PDZD2: variants seen among roughly 807,000 people sequenced by gnomAD.
PDZD2 encodes PDZ domain-containing protein 2.
Under a neutral mutation model 220.7 loss-of-function variants are expected in PDZD2, and 90 were observed. The observed-to-expected ratio is 0.41, with a 90% CI of 0.34 to 0.49. PDZD2 has a LOEUF of 0.49. Ranked by LOEUF, PDZD2 falls within the 20% of genes least tolerant of loss-of-function variation. The pLI is 0.28. For missense variants in PDZD2, 3,174 were observed against 3,608.5 expected (o/e 0.88, Z 3.08); for synonymous variants, 1,375 against 1,450.5 (o/e 0.95, Z 1.18).
chr5:31,829,950 A>C (rs73060342), intron 2 of PDZD2, among the ~76,000 whole-genome samples: 1,642 of 152,054 alleles, frequency 0.011, 32 homozygotes, highest in African/African-American at 0.038. Context: ...CTGGAGGCTG[A>C]GGCAAGAGGG....
At chr5:31,662,346 C>T (rs1324752193) in intron 1 of PDZD2, among the ~76,000 whole-genome samples, 1 of 152,126 alleles carries the variant, frequency 6.6e-6, no homozygotes, top group Non-Finnish European at 1.5e-5. Flanking sequence ...CCTAAAGCCT[C>T]TTTTATCTGT....
intron 2 of PDZD2, among the ~76,000 whole-genome samples, chr5:31,900,828 C>T (rs1026804863): frequency 3.9e-5 from 6 of 152,028 alleles, no homozygotes; most frequent in African/African-American, 2.4e-5. Context: ...TAGTTGTTGC[C>T]AGGCCCCAAG....
chr5:31,898,621 C>T (rs896536254), intron 2 of PDZD2, among the ~76,000 whole-genome samples: 3 of 152,142 alleles, frequency 2.0e-5, no homozygotes, highest in African/African-American at 7.2e-5. Context: ...ACTGTGCTCC[C>T]CTGTCACATG....
At chr5:32,052,501 C>A in intron 8 of PDZD2, 110 bp from the exon 9 acceptor site, 2 of 986,242 alleles carry the variant, frequency 2.0e-6, no homozygotes, top group Non-Finnish European at 3.2e-6. Flanking sequence ...AGAGAAATGT[C>A]TAGTACTGAA....
intron 3 of PDZD2, 152 bp from the exon 4 acceptor site, chr5:31,995,424 G>T (rs1223483762): frequency 3.9e-6 from 3 of 762,974 alleles, no homozygotes; most frequent in African/African-American, 1.7e-5. Flanking sequence ...AGAGACTTGG[G>T]TCCAATCGGC....
chr5:31,689,353 A>ATATATATATT, intron 1 of PDZD2, among the ~76,000 whole-genome samples: 27 of 35,116 alleles, frequency 7.7e-4, no homozygotes, highest in African/African-American at 4.0e-3. Context: ...ATATATATAT[A>ATATATATATT]TTTTTTTTTT....
intron 1 of PDZD2, among the ~76,000 whole-genome samples, chr5:31,776,224 C>T (rs999136879): frequency 1.2e-4 from 18 of 152,292 alleles, no homozygotes; most frequent in African/African-American, 4.3e-4. Context: ...CCCCACTAAC[C>T]TCATTCCAAG....
chr5:31,737,179 T>C (rs1749918806), intron 1 of PDZD2, among the ~76,000 whole-genome samples: 1 of 138,800 alleles, frequency 7.2e-6, no homozygotes, highest in African/African-American at 2.7e-5. Context: ...TTTTTTTTTT[T>C]TTTTTTTTTT....
intron 6 of PDZD2, among the ~76,000 whole-genome samples, chr5:32,022,158 C>T (rs58935668): frequency 6.7e-6 from 1 of 148,296 alleles, no homozygotes; most frequent in African/African-American, 2.5e-5. Flanking sequence ...CTGTACTTGT[C>T]TTCTTCTTTT....
chr5:31,860,606 C>T (rs62361585), intron 2 of PDZD2, among the ~76,000 whole-genome samples: 5,785 of 152,278 alleles, frequency 0.038, 142 homozygotes, highest in Non-Finnish European at 0.051. Context: ...CCTTCTGTTG[C>T]AGGTGCCCAC....
intron 2 of PDZD2, among the ~76,000 whole-genome samples, chr5:31,858,775 G>A (rs1433448313): frequency 6.7e-6 from 1 of 148,352 alleles, no homozygotes; most frequent in Non-Finnish European, 1.5e-5. Context: ...CTGGAGTGTA[G>A]TGGCATGATT....
At chr5:32,043,586 C>T (rs893417137) in intron 7 of PDZD2, among the ~76,000 whole-genome samples, 3 of 152,244 alleles carry the variant, frequency 2.0e-5, no homozygotes, top group Admixed American at 1.3e-4. Flanking sequence ...AAAAAGCCCT[C>T]GCCATGAGGC....
At chr5:31,922,670 GT>G (rs1314292608) in intron 2 of PDZD2, among the ~76,000 whole-genome samples, 1 of 151,940 alleles carries the variant, frequency 6.6e-6, no homozygotes, top group Non-Finnish European at 1.5e-5. Flanking sequence ...CTAGCCTTTT[GT>G]TTTGTTTTGT....
chr5:31,789,247 C>T (rs916868604), intron 1 of PDZD2, among the ~76,000 whole-genome samples: 4 of 152,192 alleles, frequency 2.6e-5, no homozygotes, highest in African/African-American at 9.6e-5. Flanking sequence ...CTGGATGCCT[C>T]TCCCAAAAAC....
At position 31,847,294 on chromosome 5, in the gene PDZD2, G is replaced by A; in HGVS notation, c.476+47570G>A. ...GGGTGGGGTTTGTTAAAGTTGTCAG[G>A]AATAAGGCCTACTTTAAAAGATACA... is the stretch of plus-strand genomic sequence containing the variant. On this transcript the variant is annotated intron_variant, in intron 2 of 24. Transcript: ENST00000438447. 9.4e-6 allele frequency: 3 copies of A among 317,800 alleles called. No individual in the cohort carries two copies. The South Asian group carries it at 1.1e-4, about 12-fold the overall frequency. The allele number at this position is 317,800 out of a possible 1,614,324, so 19.7% of individuals were successfully genotyped here. A position where few individuals can be genotyped will look rare whatever the true frequency, so the allele number is the denominator to read the frequency against.
rs185844647 is a variant in PDZD2 at position 32,067,742 on chromosome 5, A to T, written c.2452-1827A>T. 2.0e-4 allele frequency among the ~76,000 whole-genome samples: 30 copies of T among 152,340 alleles called. No individual in the cohort carries two copies. The East Asian group carries it at 3.9e-3, about 20-fold the overall frequency. On this transcript the variant is annotated intron_variant, in intron 14 of 24. Transcript: ENST00000438447. ...TATTTTAATCAATATATTTCAGTAT[A>T]TATCAGGCTTTTTAAAAAAATCTTC...
At chr5:32,061,693 A>G (rs1260295150) in intron 14 of PDZD2, among the ~76,000 whole-genome samples, 3 of 152,198 alleles carry the variant, frequency 2.0e-5, no homozygotes, top group African/African-American at 7.2e-5. Context: ...CAGGAGGATC[A>G]CTTGAGCTCA....
chr5:31,749,867 C>G (rs981628073), intron 1 of PDZD2, among the ~76,000 whole-genome samples: 1 of 152,202 alleles, frequency 6.6e-6, no homozygotes, highest in African/African-American at 2.4e-5. Flanking sequence ...CGTGGCTTCC[C>G]CTTCCCGGTG....
intron 2 of PDZD2, among the ~76,000 whole-genome samples, chr5:31,931,477 G>A (rs1405786866): frequency 6.6e-6 from 1 of 152,234 alleles, no homozygotes; most frequent in East Asian, 1.9e-4. Flanking sequence ...ATTTTTTAGG[G>A]CAGGCTGAGT....
Sources: allele counts gnomAD v4.1 joint callset (sites outside exome capture counted in the v4.1 genomes callset), GRCh38; gene constraint gnomAD v4.1.1; transcripts MANE v1.5; gene names NCBI Gene and HGNC (gene_info 2026-07-23, HGNC 2026-07-21).